GRK5: variants seen among roughly 807,000 people sequenced by gnomAD.
GRK5 encodes the protein g protein-coupled receptor kinase GRK5.
Under a neutral mutation model 78.4 loss-of-function variants are expected in GRK5, and 40 were observed. The ratio of observed to expected loss-of-function variants is 0.51; its 90% CI spans 0.40 to 0.66. The LOEUF (loss-of-function observed/expected upper bound fraction) is 0.66. Among genes scored for constraint, GRK5 ranks in the 30% least tolerant of loss-of-function variants. The probability of loss-of-function intolerance (pLI) is 0.00; values close to 1 mark genes in which losing one functional copy is unlikely to be tolerated. For missense variants in GRK5, 598 were observed against 759.9 expected (o/e 0.79, Z 2.50); for synonymous variants, 289 against 296.8 (o/e 0.97, Z 0.27).
At chr10:119,220,116 A>C (rs1267013619) in intron 1 of GRK5, among the ~76,000 whole-genome samples, 1 of 152,230 alleles carries the variant, frequency 6.6e-6, no homozygotes, top group African/African-American at 2.4e-5. Context: ...AAAAATTTCT[A>C]AACAGTCAAT....
intron 10 of GRK5, 85 bp downstream of exon 10, chr10:119,439,853 T>C (rs1109489): frequency 0.45 from 609,140 of 1,350,184 alleles, 142,480 homozygotes; most frequent in Admixed American, 0.49. Flanking sequence ...CAGAGAGGGC[T>C]GGGGAAGCTG....
At chr10:119,275,611 T>A (rs199780376) in intron 1 of GRK5, among the ~76,000 whole-genome samples, 1 of 123,912 alleles carries the variant, frequency 8.1e-6, no homozygotes. Flanking sequence ...TCTCTCTCTC[T>A]CGCACACACA....
chr10:119,289,454 T>C lies in GRK5; in HGVS notation c.53-37062T>C, dbSNP rs185606416. 1.8e-3 allele frequency among the ~76,000 whole-genome samples: 279 copies of C among 152,346 alleles called. 1 individual carries two copies. The highest frequency in any genetic ancestry group is 6.3e-3 in the African/African-American group (262 of 41,586). On this transcript the variant is annotated intron_variant, in intron 1 of 15. Coordinates refer to ENST00000392870, the MANE Select transcript of GRK5 (RefSeq NM_005308.3). ...TCTGGGCAGGCTAGGAGGCCGCACCTGACCTGCCTGTGGCTCTCTTCCCAC... is the reference window on the plus strand; with the variant it reads ...TCTGGGCAGGCTAGGAGGCCGCACCCGACCTGCCTGTGGCTCTCTTCCCAC...
chr10:119,401,867 C>T (rs1290735988), intron 4 of GRK5, among the ~76,000 whole-genome samples: 3 of 152,170 alleles, frequency 2.0e-5, no homozygotes, highest in Non-Finnish European at 2.9e-5. Flanking sequence ...TACTAGCTGC[C>T]ACAACAAACA....
chr10:119,212,161 T>A (rs1848498407), intron 1 of GRK5, among the ~76,000 whole-genome samples: 1 of 152,194 alleles, frequency 6.6e-6, no homozygotes, highest in Non-Finnish European at 1.5e-5. Context: ...CCTTTCTTTT[T>A]TTTTTTTTAA....
rs556473956 is a variant in GRK5, at chr10:119,237,801, G to A, written c.52+29832G>A. Among the ~76,000 whole-genome samples the A allele has an allele frequency of 5.9e-5, 9 of 152,244 alleles. No homozygotes were observed. The South Asian group carries it at 1.2e-3, about 21-fold the overall frequency. On this transcript the variant is annotated intron_variant, in intron 1 of 15. Transcript: ENST00000392870. ...ACACTGGAAAATAGAAAGGACAAAGGAAATGGAAGCAAGTGCGCTGGGAAA... is the reference window on the plus strand; with the variant it reads ...ACACTGGAAAATAGAAAGGACAAAGAAAATGGAAGCAAGTGCGCTGGGAAA...
chr10:119,406,147 G>A (rs377315992), intron 4 of GRK5, among the ~76,000 whole-genome samples: 1 of 152,202 alleles, frequency 6.6e-6, no homozygotes, highest in African/African-American at 2.4e-5. Context: ...GATCCAAAGA[G>A]AATCACTTTT....
At chr10:119,288,335 G>A (rs1347698853) in intron 1 of GRK5, among the ~76,000 whole-genome samples, 2 of 152,172 alleles carry the variant, frequency 1.3e-5, no homozygotes, top group African/African-American at 2.4e-5. Flanking sequence ...CCAAGCACCC[G>A]AACATAAGCT....
intron 9 of GRK5, 144 bp from the exon 10 acceptor site, chr10:119,439,587 A>C: frequency 2.9e-6 from 2 of 685,996 alleles, no homozygotes; most frequent in Non-Finnish European, 5.1e-6. Context: ...TTTTGACTCA[A>C]ACCAGACAGC....
intron 2 of GRK5, among the ~76,000 whole-genome samples, chr10:119,328,647 T>G (rs1850718418): frequency 6.6e-6 from 1 of 152,180 alleles, no homozygotes; most frequent in Non-Finnish European, 1.5e-5. Context: ...CTTGCACTCA[T>G]CCACAGGGCC....
At chr10:119,369,374 C>T (rs1851507829) in intron 2 of GRK5, among the ~76,000 whole-genome samples, 1 of 152,312 alleles carries the variant, frequency 6.6e-6, no homozygotes, top group South Asian at 2.1e-4. Flanking sequence ...CCAAGGCTGT[C>T]CCAGGTGCCC....
At chr10:119,221,783 C>G (rs1262044652) in intron 1 of GRK5, among the ~76,000 whole-genome samples, 1 of 152,080 alleles carries the variant, frequency 6.6e-6, no homozygotes, top group Admixed American at 6.5e-5. Context: ...TAGGGATGTA[C>G]AATGTAGATT....
chr10:119,429,657 C>T (rs1311775484), intron 6 of GRK5, among the ~76,000 whole-genome samples: 3 of 151,770 alleles, frequency 2.0e-5, no homozygotes, highest in Non-Finnish European at 2.9e-5. Context: ...TTGGAAGACG[C>T]GAGGTGATCA....
chr10:119,339,610 C>G (rs1399712714), intron 2 of GRK5, among the ~76,000 whole-genome samples: 1 of 152,128 alleles, frequency 6.6e-6, no homozygotes, highest in Non-Finnish European at 1.5e-5. Flanking sequence ...AAAACAAAAA[C>G]TAGCTAGGCT....
intron 1 of GRK5, among the ~76,000 whole-genome samples, chr10:119,318,318 C>T (rs943001304): frequency 1.3e-5 from 2 of 152,184 alleles, no homozygotes; most frequent in African/African-American, 4.8e-5. Flanking sequence ...GGACCTACGT[C>T]ACGGGGGTGA....
At chr10:119,377,790 G>A (rs558084568) in intron 2 of GRK5, among the ~76,000 whole-genome samples, 1 of 152,306 alleles carries the variant, frequency 6.6e-6, no homozygotes, top group African/African-American at 2.4e-5. Flanking sequence ...GGAAAAGGTG[G>A]GGGTAGAGGG....
chr10:119,317,679 T>G (rs1556714), intron 1 of GRK5, among the ~76,000 whole-genome samples: 38,557 of 152,082 alleles, frequency 0.25, 6,340 homozygotes, highest in African/African-American at 0.47. Context: ...CGCAGCGACC[T>G]TGTCAGAGTC....
At chr10:119,273,634 C>G (rs1337126517) in intron 1 of GRK5, among the ~76,000 whole-genome samples, 1 of 152,174 alleles carries the variant, frequency 6.6e-6, no homozygotes, top group East Asian at 1.9e-4. Flanking sequence ...CAAGCTTTGT[C>G]CCCATGGGTC....
rs539649406 is a variant in GRK5 at position 119,430,976 on chromosome 10, C to T, written c.598-411C>T. Among the ~76,000 whole-genome samples, 147 of 152,286 alleles carry T rather than the reference C, an allele frequency of 9.7e-4. No individual in the cohort carries two copies. The highest frequency in any genetic ancestry group is 3.3e-3 in the African/African-American group (138 of 41,556). ...ACTTAAGCCCAAATGCTTTGGTTCC[C>T]GCTTATCTGGATTATGAAGTCAGTG... is the stretch of plus-strand genomic sequence containing the variant. On this transcript the variant is annotated intron_variant, in intron 7 of 15. Coordinates refer to ENST00000392870, the MANE Select transcript of GRK5 (RefSeq NM_005308.3). This position sits in a 1 kb window ranked among gnomAD's most constrained non-coding sequence, Gnocchi z 4.5.
Sources: allele counts gnomAD v4.1 joint callset (sites outside exome capture counted in the v4.1 genomes callset), GRCh38; gene constraint gnomAD v4.1.1; non-coding constraint Gnocchi (gnomAD v3.1); transcripts MANE v1.5; gene names NCBI Gene and HGNC (gene_info 2026-07-23, HGNC 2026-07-21).